The following TACR3 variants were observed in gnomAD, a reference collection of about 807,000 sequenced individuals.
TACR3 encodes tachykinin receptor 3, also known as neuromedin-K receptor.
A neutral mutation model predicts 35.0 loss-of-function variants in TACR3; 34 were observed. The ratio of observed to expected loss-of-function variants is 0.97; its 90% CI spans 0.74 to 1.30. The LOEUF (loss-of-function observed/expected upper bound fraction) is 1.30. Ranked by LOEUF, TACR3 falls within the 50% of genes most tolerant of loss-of-function variation. TACR3 has a pLI of 0.00. For missense variants in TACR3, 558 were observed against 591.7 expected (o/e 0.94, Z 0.59); for synonymous variants, 233 against 221.1 (o/e 1.05, Z -0.48).
intron 1 of TACR3, among the ~76,000 whole-genome samples, chr4:103,661,706 G>C (rs1406503189): frequency 1.3e-5 from 2 of 151,886 alleles, no homozygotes; most frequent in African/African-American, 4.8e-5. Flanking sequence ...ATTTCTAACA[G>C]GTAAAATATC....
chr4:103,652,015 C>T (rs1414146430), intron 3 of TACR3, among the ~76,000 whole-genome samples: 2 of 151,990 alleles, frequency 1.3e-5, no homozygotes, highest in African/African-American at 4.8e-5. Flanking sequence ...GTGGAAGGAG[C>T]CAGTTCCTTT....
At chr4:103,649,073 T>G (rs1376829322) in intron 3 of TACR3, among the ~76,000 whole-genome samples, 1 of 152,112 alleles carries the variant, frequency 6.6e-6, no homozygotes, top group Non-Finnish European at 1.5e-5. Flanking sequence ...TGTTGGCCAT[T>G]TGTATGTCTT....
At chr4:103,668,057 C>T (rs180963889) in intron 1 of TACR3, among the ~76,000 whole-genome samples, 1 of 152,218 alleles carries the variant, frequency 6.6e-6, no homozygotes, top group African/African-American at 2.4e-5. Context: ...GTCTTGAAAT[C>T]CTGAGTTCAA....
intron 3 of TACR3, among the ~76,000 whole-genome samples, chr4:103,629,880 AC>A (rs1340381634): frequency 1.3e-4 from 17 of 130,604 alleles, no homozygotes; most frequent in African/African-American, 2.9e-4. Context: ...AACAAAAAAA[AC>A]AACAACAACA....
chr4:103,702,875 G>A (rs1457404195), intron 1 of TACR3, among the ~76,000 whole-genome samples: 4 of 134,462 alleles, frequency 3.0e-5, no homozygotes, highest in Admixed American at 8.5e-5. Flanking sequence ...CACAGGAAGG[G>A]GAACATCACA....
intron 1 of TACR3, among the ~76,000 whole-genome samples, chr4:103,709,181 A>G (rs539819111): frequency 6.6e-6 from 1 of 152,310 alleles, no homozygotes; most frequent in South Asian, 2.1e-4. Flanking sequence ...CCTCGAGAAG[A>G]GCAACTCCAA....
At chr4:103,651,737 C>T (rs1725622631) in intron 3 of TACR3, among the ~76,000 whole-genome samples, 1 of 151,996 alleles carries the variant, frequency 6.6e-6, no homozygotes, top group Non-Finnish European at 1.5e-5. Flanking sequence ...TCACCCAAGG[C>T]CCATGGTGTA....
chr4:103,650,680 TATCA>T (rs1560821973), intron 3 of TACR3, among the ~76,000 whole-genome samples: 10,422 of 26,352 alleles, frequency 0.4, 1,536 homozygotes, highest in African/African-American at 0.54. Context: ...ATATATATTA[TATCA>T]TATATAATAT....
chr4:103,590,094 C>T (rs1723862170), intron 4 of TACR3, 100 bp from the exon 5 acceptor site: 49 of 1,463,082 alleles, frequency 3.3e-5, no homozygotes, highest in Non-Finnish European at 4.4e-5. Context: ...TATAACAACT[C>T]AGTTTTTGAG....
chr4:103,697,300 C>T (rs914840408), intron 1 of TACR3, among the ~76,000 whole-genome samples: 3 of 152,132 alleles, frequency 2.0e-5, no homozygotes, highest in Non-Finnish European at 2.9e-5. Context: ...TAAGTTTATC[C>T]TTTATGCAAA....
chr4:103,639,350 C>A (rs569323866), intron 3 of TACR3, among the ~76,000 whole-genome samples: 1 of 152,124 alleles, frequency 6.6e-6, no homozygotes, highest in Admixed American at 6.5e-5. Flanking sequence ...GACAAAAAAC[C>A]AAACACTGCA....
At chr4:103,671,741 G>A (rs1272424377) in intron 1 of TACR3, among the ~76,000 whole-genome samples, 1 of 151,808 alleles carries the variant, frequency 6.6e-6, no homozygotes, top group Non-Finnish European at 1.5e-5. Flanking sequence ...ACTTTTTATT[G>A]TATTGATCTT....
rs899804477 is a variant in TACR3 at position 103,714,767 on chromosome 4, A to G, written c.548+4361T>C. Among the ~76,000 whole-genome samples the G allele has an allele frequency of 2.0e-5, 3 of 152,306 alleles. No homozygotes were observed. In the East Asian group the frequency reaches 5.8e-4, roughly 29 times the overall value. On this transcript the variant is annotated intron_variant, in intron 1 of 4. Coordinates refer to ENST00000304883, the MANE Select transcript of TACR3 (RefSeq NM_001059.3). ...AAAAAGGATTTTTTAAAAATTTAGCAGAGTTCATATCTATAATGTTGGTAA... is the reference window on the plus strand; with the variant it reads ...AAAAAGGATTTTTTAAAAATTTAGCGGAGTTCATATCTATAATGTTGGTAA...
At chr4:103,603,534 G>T (rs999015052) in intron 3 of TACR3, among the ~76,000 whole-genome samples, 3 of 152,150 alleles carry the variant, frequency 2.0e-5, no homozygotes, top group Non-Finnish European at 4.4e-5. Context: ...AGTATTCCAT[G>T]GTGTATATGT....
At chr4:103,662,025 C>T (rs549665714) in intron 1 of TACR3, among the ~76,000 whole-genome samples, 2 of 152,230 alleles carry the variant, frequency 1.3e-5, no homozygotes, top group Admixed American at 6.5e-5. Context: ...GATGTGACAG[C>T]TGTTACGAAG....
intron 3 of TACR3, among the ~76,000 whole-genome samples, chr4:103,634,910 C>CT (rs1725146763): frequency 6.6e-6 from 1 of 151,890 alleles, no homozygotes; most frequent in Admixed American, 6.6e-5. Context: ...AAGATAACAC[C>CT]TTTTCTATCT....
chr4:103,656,808 T>C (rs1398687790), intron 2 of TACR3, among the ~76,000 whole-genome samples: 1 of 152,106 alleles, frequency 6.6e-6, no homozygotes, highest in Non-Finnish European at 1.5e-5. Flanking sequence ...TGTTTTTCAT[T>C]CAAATGGTGG....
chr4:103,712,131 T>G (rs1156640761), intron 1 of TACR3, among the ~76,000 whole-genome samples: 1 of 152,092 alleles, frequency 6.6e-6, no homozygotes, highest in African/African-American at 2.4e-5. Context: ...CTTCACAGAA[T>G]TGGAAAAAAA....
intron 2 of TACR3, among the ~76,000 whole-genome samples, chr4:103,656,733 C>T (rs1048215648): frequency 3.3e-5 from 5 of 151,904 alleles, no homozygotes; most frequent in African/African-American, 9.7e-5. Flanking sequence ...ATGAATCAAC[C>T]GGCATATGTT....
Sources: gnomAD v4.1 joint callset for allele counts (sites outside exome capture counted in the v4.1 genomes callset) on GRCh38, gnomAD v4.1.1 for gene constraint, MANE v1.5 for transcripts, NCBI Gene and HGNC (gene_info 2026-07-23, HGNC 2026-07-21) for gene names.